Variants in NAGLU observed in about 807,000 individuals in gnomAD.
The protein encoded by NAGLU is N-acetyl-alpha-glucosaminidase, also known as alpha-N-acetylglucosaminidase.
NAGLU carries 34 observed loss-of-function variants against 43.4 expected under a neutral mutation model. That is an observed-to-expected ratio of 0.78 (90% CI 0.60 to 1.04). NAGLU has a LOEUF of 1.04. NAGLU is among the 50% of genes least tolerant of loss of function. The probability of loss-of-function intolerance (pLI) is 0.00; values close to 1 mark genes in which losing one functional copy is unlikely to be tolerated. For synonymous variants in NAGLU, 425 were observed against 437.6 expected (o/e 0.97, Z 0.36); for missense variants, 910 against 993.7 (o/e 0.92, Z 1.13).
Position 42,543,297 on chromosome 17 carries a change from C to T in NAGLU, c.1291C>T (p.Arg431Cys), listed in dbSNP as rs759041924. ...EAVNGGPEAA[R>C]LFPNSTMVGT... ...TGTGAACGGAGGCCCAGAAGCTGCC[C>T]GCCTCTTCCCCAACTCCACCATGGT... Residue 431 changes from arginine (R) to cysteine (C), a missense_variant, in exon 6 of 6, where the codon CGC becomes TGC. Physicochemically the swap from Arg to Cys is radical, Grantham distance 180 (BLOSUM62 -3). Coordinates refer to ENST00000225927, the MANE Select transcript of NAGLU (RefSeq NM_000263.4). 37 of 1,613,680 alleles carry T rather than the reference C, an allele frequency of 2.3e-5. No homozygotes were observed. The highest frequency in any genetic ancestry group is 3.3e-5 in the Admixed American group (2 of 60,014).
Position 42,537,422 on chromosome 17 carries a change from C to T in NAGLU, c.408C>T (p.Cys136=), listed in dbSNP as rs750741772. 53 of 1,614,060 alleles carry T rather than the reference C, an allele frequency of 3.3e-5. No homozygotes were observed. Among genetic ancestry groups the T allele is most frequent in the Non-Finnish European group, 4.4e-5 (52 of 1,179,970 alleles). ...PNRYRYYQNV[C]TQSYSFVWWD... is the part of the protein sequence containing the mutation. ...GGTACCGCTATTACCAGAATGTGTGCACGCAAAGCTACTCTTTCGTGTGGT... is the reference window on the plus strand; with the variant it reads ...GGTACCGCTATTACCAGAATGTGTGTACGCAAAGCTACTCTTTCGTGTGGT... Residue 136 remains cysteine, a synonymous_variant, in exon 2 of 6, where the codon TGC becomes TGT. Transcript: ENST00000225927.
intron 1 of NAGLU, 87 bp from the exon 2 acceptor site, chr17:42,537,310 TC>T (rs2092909059): frequency 6.3e-7 from 1 of 1,588,932 alleles, no homozygotes. Flanking sequence ...GCCCCTCCCC[TC>T]TCCTCTAGGT....
At chr17:42,539,909 T>G (rs1272606086) in intron 4 of NAGLU, among the ~76,000 whole-genome samples, 1 of 151,170 alleles carries the variant, frequency 6.6e-6, no homozygotes, top group Non-Finnish European at 1.5e-5. Context: ...CGGTCAGGAG[T>G]TAAAGACCAG....
chr17:42,539,514 T>C (rs2143091313), intron 4 of NAGLU, among the ~76,000 whole-genome samples: 1 of 152,360 alleles, frequency 6.6e-6, no homozygotes, highest in African/African-American at 2.4e-5. Context: ...CTGGCTCCCA[T>C]ACTCTCGTAG....
At chr17:42,538,271 GGTT>G (rs961700776) in intron 2 of NAGLU, 65 bp from the exon 3 acceptor site, 2 of 1,608,980 alleles carry the variant, frequency 1.2e-6, no homozygotes, top group African/African-American at 1.3e-5. Flanking sequence ...ATGAGTGAAT[GGTT>G]GTTGAATGAA....
rs965655357 is a variant in NAGLU at position 42,543,467 on chromosome 17, C to A, written c.1461C>A (p.His487Gln). 1.3e-6 allele frequency: 2 copies of A among 1,599,398 alleles called. No individual in the cohort carries two copies. Among genetic ancestry groups the A allele is most frequent in the East Asian group, 2.3e-5 (1 of 44,226 alleles). Residue 487 changes from histidine to glutamine, a missense_variant, in exon 6 of 6, where the codon CAC (histidine) becomes CAA (glutamine). By Grantham distance (24) the His-to-Gln change is conservative. Transcript: ENST00000225927. The stretch of plus-strand genomic sequence containing the variant: ...CCGCCCGGCGGTATGGGGTCTCCCA[C>A]CCGGACGCAGGGGCAGCGTGGAGGC... Reference protein sequence around the residue: ...SFAARRYGVSHPDAGAAWRLL... With the variant: ...SFAARRYGVSQPDAGAAWRLL...
At chr17:42,537,855 C>CT (rs1243020777) in intron 2 of NAGLU, among the ~76,000 whole-genome samples, 1 of 142,606 alleles carries the variant, frequency 7.0e-6, no homozygotes, top group Non-Finnish European at 1.5e-5. Flanking sequence ...GAGCGAGACT[C>CT]TGTCTAAAAA....
intron 1 of NAGLU, 159 bp downstream of exon 1, chr17:42,536,814 C>T: frequency 1.5e-6 from 2 of 1,303,854 alleles, no homozygotes; most frequent in Non-Finnish European, 2.0e-6. Context: ...CTCTGCCTTT[C>T]AGAGCCTCGG....
rs202115696 is a variant in NAGLU at position 42,543,441 on chromosome 17, G to A, written c.1435G>A (p.Ala479Thr). 185 of 1,598,038 alleles carry A rather than the reference G, an allele frequency of 1.2e-4. No homozygotes were observed. In the Middle Eastern group the frequency reaches 1.8e-3, roughly 16 times the overall value. The part of the protein sequence containing the change: ...PDLAAWVTSF[A>T]ARRYGVSHPD... ...TTTGGCAGCCTGGGTGACCAGCTTT[G>A]CCGCCCGGCGGTATGGGGTCTCCCA... The change falls in exon 6 of 6, where the codon GCC becomes ACC. Residue 479 changes from alanine to threonine, a missense_variant. Physicochemically the swap from Ala to Thr is moderately conservative, Grantham distance 58. Transcript: ENST00000225927.
chr17:42,543,711 C>T lies in NAGLU; in HGVS notation c.1705C>T (p.Gln569Ter), dbSNP rs1555622441. The T allele has an allele frequency of 1.2e-6, 2 of 1,612,298 alleles. No individual in the cohort carries two copies. The highest frequency in any genetic ancestry group is 1.7e-6 in the Non-Finnish European group (2 of 1,179,978). Residue 569 changes from glutamine (Q) to a stop codon, truncating the protein, a stop_gained, in exon 6 of 6, where the codon CAG becomes TAG. Coordinates refer to ENST00000225927, the MANE Select transcript of NAGLU (RefSeq NM_000263.4). LOFTEE classifies it low-confidence loss of function (END_TRUNC). The stretch of plus-strand genomic sequence containing the variant: ...GCTGGACCTCACTCGGCAGGCAGTG[C>T]AGGAGCTGGTCAGCTTGTACTATGA... ...DLLDLTRQAV[Q>*]ELVSLYYEEA...
In NAGLU at chr17:42,536,626, G is replaced by A. The variant is rs745433070; in HGVS notation, c.354G>A (p.Pro118=). The A allele has an allele frequency of 4.7e-6, 7 of 1,496,638 alleles. No individual in the cohort carries two copies. In the African/African-American group the frequency reaches 7.2e-5, roughly 15 times the overall value. The allele number at this position is 1,496,638 out of a possible 1,614,324, so 92.7% of individuals were successfully genotyped here. ...LRLPRPLPAV[P]GELTEATPNR... is the part of the protein sequence containing the mutation. ...TGCCGCGGCCACTGCCAGCCGTGCCGGGGGAGCTGACCGAGGCCACGCCCA... is the reference window on the plus strand; with the variant it reads ...TGCCGCGGCCACTGCCAGCCGTGCCAGGGGAGCTGACCGAGGCCACGCCCA... Residue 118 remains proline (P), a synonymous_variant, in exon 1 of 6, where the codon CCG becomes CCA. Transcript: ENST00000225927.
intron 5 of NAGLU, 21 bp from the exon 6 acceptor site, chr17:42,543,007 C>T: frequency 1.3e-6 from 2 of 1,599,064 alleles, no homozygotes; most frequent in African/African-American, 1.3e-5. Context: ...CTTCTCTGTT[C>T]CCCCTACCTC....
intron 5 of NAGLU, 64 bp from the exon 6 acceptor site, chr17:42,542,964 A>C (rs1488987140): frequency 7.5e-5 from 119 of 1,594,590 alleles, no homozygotes; most frequent in Non-Finnish European, 2.5e-6. Context: ...GAGTGGGGTG[A>C]ACATTCCCTG....
intron 4 of NAGLU, among the ~76,000 whole-genome samples, chr17:42,540,210 G>T (rs1038539120): frequency 1.3e-5 from 2 of 151,794 alleles, no homozygotes; most frequent in Non-Finnish European, 2.9e-5. Context: ...ACAGGAAGGG[G>T]AACATCACAC....
At position 42,538,388 on chromosome 17, in the gene NAGLU, C is replaced by T; in HGVS notation, c.581C>T (p.Thr194Ile). Residue 194 changes from threonine to isoleucine, a missense_variant, in exon 3 of 6, where the codon ACT becomes ATT. Thr to Ile is a moderately conservative substitution (Grantham distance 89). Coordinates refer to ENST00000225927, the MANE Select transcript of NAGLU (RefSeq NM_000263.4). ...CAGGCAGAGATCAATGAGTTCTTTA[C>T]TGGTCCTGCCTTCCTGGCCTGGGGG... ...LTQAEINEFF[T>I]GPAFLAWGRM... 6.2e-7 allele frequency: 1 copy of T among 1,614,246 alleles called. No homozygotes were observed.
Position 42,538,412 on chromosome 17 carries a change from G to C in NAGLU, c.605G>C (p.Gly202Ala). 6.2e-7 allele frequency: 1 copy of C among 1,614,206 alleles called. No individual in the cohort carries two copies. The highest frequency in any genetic ancestry group is 8.5e-7 in the Non-Finnish European group (1 of 1,180,042). Residue 202 changes from glycine (G) to alanine (A), a missense_variant, in exon 3 of 6, where the codon GGG becomes GCG. Gly to Ala is a moderately conservative substitution (Grantham distance 60, BLOSUM62 0). Transcript: ENST00000225927. ...ACTGGTCCTGCCTTCCTGGCCTGGG[G>C]GCGAATGGGCAACCTGCACACCTGG... ...FFTGPAFLAW[G>A]RMGNLHTWDG...
chr17:42,539,450 C>G (rs2092916008), intron 4 of NAGLU, among the ~76,000 whole-genome samples: 1 of 152,258 alleles, frequency 6.6e-6, no homozygotes, highest in South Asian at 2.1e-4. Context: ...GACCTCCCCT[C>G]CTTCAGGAAG....
In NAGLU at chr17:42,544,269, G is replaced by T. The variant is rs570464874; in HGVS notation, c.*31G>T. ...TCGCCACCACTGGGCCTTGTTTTCCGCTAATTCCAGGGCAGATTCCAGGGC... is the reference window on the plus strand; with the variant it reads ...TCGCCACCACTGGGCCTTGTTTTCCTCTAATTCCAGGGCAGATTCCAGGGC... On this transcript the variant is annotated 3_prime_UTR_variant, in exon 6 of 6. Transcript: ENST00000225927. 1 of 1,603,196 alleles carries T rather than the reference G, an allele frequency of 6.2e-7. No individual in the cohort carries two copies. The highest frequency in any genetic ancestry group is 1.3e-5 in the African/African-American group (1 of 75,038).
chr17:42,537,262 G>T, intron 1 of NAGLU, 136 bp from the exon 2 acceptor site: 2 of 1,329,430 alleles, frequency 1.5e-6, no homozygotes, highest in Non-Finnish European at 2.1e-6. Context: ...CTCCACCTGG[G>T]GTGGGTCCCA....
Sources: gnomAD v4.1 joint callset for allele counts (sites outside exome capture counted in the v4.1 genomes callset) on GRCh38, gnomAD v4.1.1 for gene constraint, MANE v1.5 for transcripts, NCBI Gene and HGNC (gene_info 2026-07-23, HGNC 2026-07-21) for gene names.